TTC21B: variants seen among roughly 807,000 people sequenced by gnomAD.
TTC21B encodes the protein tetratricopeptide repeat protein 21B.
In TTC21B, 127 loss-of-function variants were observed where a neutral mutation model predicts 175.1. That is an observed-to-expected ratio of 0.73 (90% CI 0.63 to 0.84). The LOEUF (loss-of-function observed/expected upper bound fraction) is 0.84. TTC21B is among the 40% of genes least tolerant of loss of function. The pLI is 0.00. For synonymous variants in TTC21B, 524 were observed against 524.5 expected, an observed-to-expected ratio of 1.00 and a Z score of 0.01; for missense variants, 1,561 against 1,558.3, an observed-to-expected ratio of 1.00 and a Z score of -0.03.
intron 22 of TTC21B, among the ~76,000 whole-genome samples, chr2:165,897,989 G>C (rs936334004): frequency 5.3e-5 from 8 of 152,200 alleles, no homozygotes; most frequent in Non-Finnish European, 1.0e-4. Flanking sequence ...GACTTCCCTA[G>C]GGTGCAGCAG....
In TTC21B at chr2:165,885,743, G is replaced by C. The variant is rs539447242; in HGVS notation, c.3460-1725C>G. On this transcript the variant is annotated intron_variant, in intron 25 of 28. Transcript: ENST00000243344. ...AGAACGTATCGGTTCTTCACAACTT[G>C]ATTACTCCTGAGTGAACTGAAGAAC... is the stretch of plus-strand genomic sequence containing the variant. Among the ~76,000 whole-genome samples the C allele has an allele frequency of 2.8e-4, 42 of 152,302 alleles. No homozygotes were observed. The South Asian group carries it at 8.5e-3, about 31-fold the overall frequency.
In TTC21B at chr2:165,883,931, T is replaced by A. The variant is rs748176095; in HGVS notation, c.3547A>T (p.Ile1183Phe). Residue 1183 changes from isoleucine (I) to phenylalanine (F), a missense_variant, in exon 26 of 29, where the codon ATT becomes TTT. By Grantham distance (21) the Ile-to-Phe change is conservative. Coordinates refer to ENST00000243344, the MANE Select transcript of TTC21B (RefSeq NM_024753.5). Reference sequence around the variant, plus strand: ...ATAGCATTCCAATTCATTTTCGCAATACGCTTCAGCTGGTTTCTGGCTCGT... The same window carrying A: ...ATAGCATTCCAATTCATTTTCGCAAAACGCTTCAGCTGGTTTCTGGCTCGT... Reference protein sequence around the residue: ...TPRARNQLKRIAKMNWNAIDA... With the variant: ...TPRARNQLKRFAKMNWNAIDA... 3 of 1,614,140 alleles carry A rather than the reference T, an allele frequency of 1.9e-6. No homozygotes were observed. In the South Asian group the frequency reaches 3.3e-5, roughly 18 times the overall value.
At chr2:165,937,738 C>CA (rs5836066) in intron 6 of TTC21B, among the ~76,000 whole-genome samples, 76,421 of 147,554 alleles carry the variant, frequency 0.52, 20,186 homozygotes, top group African/African-American at 0.55. Context: ...AAAACACCCT[C>CA]AAATATATAC....
chr2:165,881,647 G>C (rs1172772454), intron 26 of TTC21B, among the ~76,000 whole-genome samples: 4 of 152,026 alleles, frequency 2.6e-5, no homozygotes, highest in Non-Finnish European at 5.9e-5. Context: ...TAGATGTAGA[G>C]GTTTGGATTC....
intron 25 of TTC21B, among the ~76,000 whole-genome samples, chr2:165,885,194 C>T (rs546549622): frequency 2.6e-5 from 4 of 152,094 alleles, no homozygotes; most frequent in South Asian, 4.2e-4. Context: ...GACTGAGGAA[C>T]GGTGATACCA....
At chr2:165,887,101 A>G (rs778005176) in intron 25 of TTC21B, among the ~76,000 whole-genome samples, 11 of 152,132 alleles carry the variant, frequency 7.2e-5, no homozygotes, top group Non-Finnish European at 1.5e-4. Context: ...AGGTCTCCCA[A>G]ACCCCTGACA....
intron 19 of TTC21B, among the ~76,000 whole-genome samples, chr2:165,904,140 C>T (rs943848035): frequency 6.9e-6 from 1 of 144,014 alleles, no homozygotes; most frequent in Middle Eastern, 3.4e-3. Flanking sequence ...AAGGAGTGAA[C>T]TAAGCTAAAT....
Position 165,874,639 on chromosome 2 carries a change from AAAAGGGT to A in TTC21B, c.*109_*115del. On this transcript the variant is annotated 3_prime_UTR_variant, in exon 29 of 29. Transcript: ENST00000243344. Reference sequence around the variant, plus strand: ...TACAGCAGCAACCTCTGCTGGAGAAAAAAGGGTATACTTCTAATAACAAAGCACTGAG... The same window carrying A: ...TACAGCAGCAACCTCTGCTGGAGAAAATACTTCTAATAACAAAGCACTGAG... 1.1e-6 allele frequency: 1 copy of A among 904,454 alleles called. No homozygotes were observed. Among genetic ancestry groups the A allele is most frequent in the Non-Finnish European group, 1.8e-6 (1 of 558,346 alleles). 56.0% of individuals were successfully genotyped at this position (904,454 alleles called of 1,614,324 possible). A position where few individuals can be genotyped will look rare whatever the true frequency, so the allele number is the denominator to read the frequency against.
chr2:165,925,458 T>A (rs1686593659), intron 11 of TTC21B, among the ~76,000 whole-genome samples: 1 of 152,308 alleles, frequency 6.6e-6, no homozygotes, highest in South Asian at 2.1e-4. Context: ...CTAAGGCTGT[T>A]TCTTTATGTA....
intron 13 of TTC21B, 109 bp downstream of exon 13, chr2:165,919,167 A>T: frequency 7.5e-7 from 1 of 1,337,770 alleles, no homozygotes. Context: ...TTTTTCCATT[A>T]AAAATGCAAC....
In TTC21B at chr2:165,941,110, C is replaced by A. The variant is rs756035689; in HGVS notation, c.627G>T (p.Pro209=). 1.9e-6 allele frequency: 3 copies of A among 1,613,818 alleles called. No homozygotes were observed. Among genetic ancestry groups the A allele is most frequent in the Non-Finnish European group, 2.5e-6 (3 of 1,179,850 alleles). Residue 209 remains proline, a synonymous_variant, in exon 6 of 29, where the codon CCG becomes CCT. Transcript: ENST00000243344. ...ETVNQIIVNF[P]SFLPAFVKKM... ...TCTTAACAAAAGCAGGAAGGAAGCT[C>A]GGAAAATTCACGATTATCTGGTTCA...
rs1686778488 is a variant in TTC21B at position 165,928,933 on chromosome 2, A to G, written c.1386+202T>C. 7.0e-6 allele frequency: 4 copies of G among 569,072 alleles called. No individual in the cohort carries two copies. The Admixed American group carries it at 1.2e-4, about 18-fold the overall frequency. 35.3% of individuals were successfully genotyped at this position (569,072 alleles called of 1,614,324 possible). A position where few individuals can be genotyped will look rare whatever the true frequency, so the allele number is the denominator to read the frequency against. On this transcript the variant is annotated intron_variant, in intron 11 of 28. Transcript: ENST00000243344. ...TTAAGATTTTATGAAATACAAATGA[A>G]TATTTGCAAACCAATACTTTCAGTA...
At chr2:165,919,140 C>T in intron 13 of TTC21B, 136 bp downstream of exon 13, 1 of 1,035,640 alleles carries the variant, frequency 9.7e-7, no homozygotes, top group Non-Finnish European at 1.5e-6. Flanking sequence ...CCTCCTACTG[C>T]TTGTGAGTTC....
rs1477708117 is a variant in TTC21B at position 165,890,557 on chromosome 2, T to C, written c.3185A>G (p.Asn1062Ser). The change falls in exon 24 of 29, where the codon AAT becomes AGT. Residue 1062 changes from asparagine (N) to serine (S), a missense_variant. By Grantham distance (46) the Asn-to-Ser change is conservative (BLOSUM62 1). Coordinates refer to ENST00000243344, the MANE Select transcript of TTC21B (RefSeq NM_024753.5). Reference protein sequence around the residue: ...DRDWGQNALYNMIEICLNPDN... With the variant: ...DRDWGQNALYSMIEICLNPDN... ...TGGATTCAAACAGATCTCTATCATA[T>C]TATAAAGGGCATTTTGGCCCCAGTC... is the stretch of plus-strand genomic sequence containing the variant. 5 of 1,613,622 alleles carry C rather than the reference T, an allele frequency of 3.1e-6. No homozygotes were observed. Among genetic ancestry groups the C allele is most frequent in the African/African-American group, 1.3e-5 (1 of 74,906 alleles).
At chr2:165,917,122 A>G in intron 14 of TTC21B, 135 bp downstream of exon 14, 1 of 781,282 alleles carries the variant, frequency 1.3e-6, no homozygotes, top group Admixed American at 2.2e-5. Flanking sequence ...CAGATGATCC[A>G]TCTGCCTCGG....
At chr2:165,918,183 C>T (rs1269492649) in intron 13 of TTC21B, among the ~76,000 whole-genome samples, 1 of 152,226 alleles carries the variant, frequency 6.6e-6, no homozygotes. Flanking sequence ...GTGAGACTCA[C>T]GCTTGTGCTC....
intron 4 of TTC21B, among the ~76,000 whole-genome samples, chr2:165,943,727 T>C (rs1025796278): frequency 1.3e-5 from 2 of 152,180 alleles, no homozygotes; most frequent in Non-Finnish European, 2.9e-5. Flanking sequence ...CTAAATGAAC[T>C]AAGATGAAAT....
intron 12 of TTC21B, among the ~76,000 whole-genome samples, chr2:165,922,225 A>C (rs1377889866): frequency 6.6e-6 from 1 of 152,174 alleles, no homozygotes; most frequent in Admixed American, 6.5e-5. Flanking sequence ...CATGTGGCTT[A>C]ATAGTACAAT....
At chr2:165,896,947 C>G (rs1363778147) in intron 22 of TTC21B, among the ~76,000 whole-genome samples, 1 of 152,086 alleles carries the variant, frequency 6.6e-6, no homozygotes, top group Non-Finnish European at 1.5e-5. Context: ...AGCCCTTTTG[C>G]CCAGCTCTGC....
Sources: gnomAD v4.1 joint callset for allele counts (sites outside exome capture counted in the v4.1 genomes callset) on GRCh38, gnomAD v4.1.1 for gene constraint, MANE v1.5 for transcripts, NCBI Gene and HGNC (gene_info 2026-07-23, HGNC 2026-07-21) for gene names.